Variants in GIT2 observed in about 807,000 individuals in gnomAD.
GIT2 encodes the protein GIT ArfGAP 2, also known as ARF GTPase-activating protein GIT2.
A neutral mutation model predicts 100.3 loss-of-function variants in GIT2; 32 were observed. The observed-to-expected ratio is 0.32, with a 90% confidence interval of 0.24 to 0.43. GIT2 has a LOEUF of 0.43. Ranked by LOEUF, GIT2 falls within the 20% of genes least tolerant of loss-of-function variation. GIT2 has a pLI of 1.00. For synonymous variants in GIT2, 353 were observed against 364.1 expected (o/e 0.97, Z 0.35); for missense variants, 737 against 975.1 (o/e 0.76, Z 3.25).
intron 4 of GIT2, among the ~76,000 whole-genome samples, chr12:109,987,276 T>C (rs1172944126): frequency 6.6e-6 from 1 of 150,854 alleles, no homozygotes; most frequent in Non-Finnish European, 1.5e-5. Context: ...CCCAGCTACT[T>C]GGGAGGCTGA....
In GIT2 at chr12:109,996,260, G is replaced by A. The variant is rs934253761; in HGVS notation, c.-36C>T. 6.8e-7 allele frequency: 1 copy of A among 1,468,650 alleles called. No individual in the cohort carries two copies. Among genetic ancestry groups the A allele is most frequent in the African/African-American group, 1.4e-5 (1 of 69,120 alleles). 91.0% of individuals were successfully genotyped at this position (1,468,650 alleles called of 1,614,324 possible). ...TCCCACCTGCGGGGAACTAGAGGCC[G>A]GGGGACAGCAAAGGCGGCGGTGGCG... On this transcript the variant is annotated 5_prime_UTR_variant, in exon 1 of 20. Coordinates refer to ENST00000355312, the MANE Select transcript of GIT2 (RefSeq NM_057169.5).
Position 109,965,579 on chromosome 12 carries a change from TA to T in GIT2, c.765-3del. ...GCCAATTCAGACAAATCCAGGCTGC[TA>T]AGAAAACATACAAAGCTAATAAGCA... On this transcript the variant is annotated splice_polypyrimidine_tract_variant and splice_region_variant and intron_variant, in intron 8 of 19. Transcript: ENST00000355312. 1 of 1,575,234 alleles carries T rather than the reference TA, an allele frequency of 6.3e-7. No individual in the cohort carries two copies. The highest frequency in any genetic ancestry group is 8.7e-7 in the Non-Finnish European group (1 of 1,150,204).
chr12:109,945,470 T>A lies in GIT2; in HGVS notation c.1642-121A>T, dbSNP rs1876081855. 7.5e-6 allele frequency: 5 copies of A among 662,836 alleles called. No homozygotes were observed. In the South Asian group the frequency reaches 8.2e-5, roughly 11 times the overall value. 41.1% of individuals were successfully genotyped at this position (662,836 alleles called of 1,614,324 possible). On this transcript the variant is annotated intron_variant, in intron 15 of 19. Coordinates refer to ENST00000355312, the MANE Select transcript of GIT2 (RefSeq NM_057169.5). ...ACATTATGTGACGTGAGTGCTGCAA[T>A]CTCAGTGGCCACCAGTGACAGGACC...
At chr12:109,995,813 T>TAGTG (rs976014897) in intron 1 of GIT2, among the ~76,000 whole-genome samples, 5 of 152,200 alleles carry the variant, frequency 3.3e-5, no homozygotes, top group African/African-American at 1.2e-4. Flanking sequence ...CTGCAGCCTC[T>TAGTG]GGAGGCTGCA....
chr12:109,983,572 T>TA (rs767046922), intron 5 of GIT2, 36 bp downstream of exon 5: 64 of 1,588,884 alleles, frequency 4.0e-5, no homozygotes, highest in Non-Finnish European at 5.4e-5. Flanking sequence ...ACAACTCACT[T>TA]AGTTTCAATA....
chr12:110,000,046 C>T (rs1712025635), upstream of GIT2, among the ~76,000 whole-genome samples: 1 of 152,188 alleles, frequency 6.6e-6, no homozygotes, highest in Non-Finnish European at 1.5e-5. Flanking sequence ...GAGAAGGAAA[C>T]AGGTCCTCAG....
intron 7 of GIT2, among the ~76,000 whole-genome samples, chr12:109,973,506 A>T (rs1884406780): frequency 6.6e-6 from 1 of 152,036 alleles, no homozygotes; most frequent in Non-Finnish European, 1.5e-5. Flanking sequence ...CTCCATCTGT[A>T]CACTCTCCTT....
At chr12:109,999,238 T>G (rs934368451), upstream of GIT2, 14 of 152,758 alleles carry the variant, frequency 9.2e-5, no homozygotes, top group Admixed American at 9.2e-4. The surrounding 1 kb of genome is among the most constrained non-coding windows in gnomAD (Gnocchi z 4.3). Flanking sequence ...GACGGAACTT[T>G]CCGCGTGGAG....
intron 17 of GIT2, 191 bp downstream of exon 17, chr12:109,938,974 A>T: frequency 3.5e-6 from 2 of 564,874 alleles, no homozygotes; most frequent in Non-Finnish European, 6.4e-6. Flanking sequence ...ACAAAGAAAA[A>T]GGCCTTTCGG....
Position 109,948,552 on chromosome 12 carries a change from G to A in GIT2, c.1393-1048C>T. 1 of 1,359,058 alleles carries A rather than the reference G, an allele frequency of 7.4e-7. No homozygotes were observed. The highest frequency in any genetic ancestry group is 9.4e-7 in the Non-Finnish European group (1 of 1,061,382). The allele number at this position is 1,359,058 out of a possible 1,614,324, so 84.2% of individuals were successfully genotyped here. On this transcript the variant is annotated intron_variant, in intron 14 of 19. Transcript: ENST00000355312. The surrounding 1 kb of genome is among the most constrained non-coding windows in gnomAD (Gnocchi z 4.3). ...CCATTCACCACGTCCATTCTGCGCAGGGTCCTTCCCTTCTGGTGCGCCTTC... is the reference window on the plus strand; with the variant it reads ...CCATTCACCACGTCCATTCTGCGCAAGGTCCTTCCCTTCTGGTGCGCCTTC...
intron 7 of GIT2, among the ~76,000 whole-genome samples, chr12:109,968,498 A>T (rs1365317186): frequency 6.6e-6 from 1 of 152,110 alleles, no homozygotes; most frequent in Non-Finnish European, 1.5e-5. Flanking sequence ...ATCTCGGCTC[A>T]CCGCAACCTC....
Position 109,953,127 on chromosome 12 carries a change from A to G in GIT2, c.1207T>C (p.Leu403=), listed in dbSNP as rs756995215. ...DSVASDEDTD[L]ETTASKTNRQ... ...TTTGTTTTGCTTGCAGTGGTTTCCA[A>G]ATCTGTGTCTTCGTCTGATGCCACG... The change falls in exon 13 of 20, where the codon TTG becomes CTG. Residue 403 remains leucine (L), a synonymous_variant. Coordinates refer to ENST00000355312, the MANE Select transcript of GIT2 (RefSeq NM_057169.5). 6.2e-7 allele frequency: 1 copy of G among 1,614,102 alleles called. No homozygotes were observed. Among genetic ancestry groups the G allele is most frequent in the Admixed American group, 1.7e-5 (1 of 60,016 alleles).
At chr12:109,974,218 T>G (rs1040042511) in intron 7 of GIT2, among the ~76,000 whole-genome samples, 1 of 152,006 alleles carries the variant, frequency 6.6e-6, no homozygotes, top group Admixed American at 6.6e-5. Context: ...CTTAGATCGA[T>G]GGATTAGTTA....
chr12:109,961,199 G>C, intron 11 of GIT2, 79 bp downstream of exon 11: 1 of 805,466 alleles, frequency 1.2e-6, no homozygotes. Context: ...AAAACATTTA[G>C]AATAGTTTTC....
chr12:109,973,378 T>A (rs564833886), intron 7 of GIT2, among the ~76,000 whole-genome samples: 1 of 151,988 alleles, frequency 6.6e-6, no homozygotes, highest in South Asian at 2.1e-4. Context: ...CCACCTCAAA[T>A]GATCTATCTG....
chr12:109,961,665 T>G lies in GIT2; in HGVS notation c.837A>C (p.Glu279Asp), dbSNP rs1299440804. 5 of 1,598,172 alleles carry G rather than the reference T, an allele frequency of 3.1e-6. No homozygotes were observed. Among genetic ancestry groups the G allele is most frequent in the Non-Finnish European group, 4.3e-6 (5 of 1,165,826 alleles). Residue 279 changes from glutamate (E) to aspartate (D), a missense_variant, in exon 10 of 20, where the codon GAA becomes GAC. This residue lies in a region of GIT2 where 266 missense variants were observed against 376.2 expected (regional missense o/e 0.71). Transcript: ENST00000355312. ...KLQSLSNHLF[E>D]ELAMDVYDEV... Reference sequence around the variant, plus strand: ...CATCGTACACATCCATGGCAAGTTCTTCAAACAAATGATTACTTAGCTGAA... The same window carrying G: ...CATCGTACACATCCATGGCAAGTTCGTCAAACAAATGATTACTTAGCTGAA...
chr12:109,951,014 C>T, intron 14 of GIT2, 153 bp downstream of exon 14: 2 of 697,318 alleles, frequency 2.9e-6, no homozygotes, highest in Non-Finnish European at 5.1e-6. Context: ...TATCCAAATA[C>T]ATCCTGCTTC....
intron 4 of GIT2, among the ~76,000 whole-genome samples, chr12:109,988,691 A>G (rs1201870627): frequency 6.6e-6 from 1 of 152,038 alleles, no homozygotes; most frequent in Non-Finnish European, 1.5e-5. Context: ...CGTCTCTACT[A>G]AAAATACAAA....
At chr12:109,990,705 G>A (rs1888204155) in intron 2 of GIT2, among the ~76,000 whole-genome samples, 1 of 152,218 alleles carries the variant, frequency 6.6e-6, no homozygotes. Flanking sequence ...AAGAGAACTT[G>A]AAGAATGTGT....
Sources: allele counts gnomAD v4.1 joint callset (sites outside exome capture counted in the v4.1 genomes callset), GRCh38; gene constraint gnomAD v4.1.1; regional missense constraint gnomAD v4.1.1; non-coding constraint Gnocchi (gnomAD v3.1); transcripts MANE v1.5; gene names NCBI Gene and HGNC (gene_info 2026-07-23, HGNC 2026-07-21).